Variants in GALNTL6 observed in about 807,000 individuals in gnomAD.
GALNTL6 encodes the protein polypeptide N-acetylgalactosaminyltransferase like 6, also known as polypeptide N-acetylgalactosaminyltransferase-like 6.
Under a neutral mutation model 73.7 loss-of-function variants are expected in GALNTL6, and 46 were observed. The ratio of observed to expected loss-of-function variants is 0.62; its 90% confidence interval spans 0.49 to 0.80. The LOEUF is 0.80. Ranked by LOEUF, GALNTL6 falls within the 30% of genes least tolerant of loss-of-function variation. The probability of loss-of-function intolerance (pLI) is 0.00; values close to 1 mark genes in which losing one functional copy is unlikely to be tolerated. For missense variants in GALNTL6, 604 were observed against 755.0 expected (o/e 0.80, Z 2.34); for synonymous variants, 259 against 263.7 (o/e 0.98, Z 0.17).
intron 5 of GALNTL6, among the ~76,000 whole-genome samples, chr4:172,643,618 C>A (rs1740091108): frequency 6.6e-6 from 1 of 152,082 alleles, no homozygotes; most frequent in Middle Eastern, 3.4e-3. Flanking sequence ...TATCTAACTT[C>A]ATAGATTAGT....
intron 2 of GALNTL6, among the ~76,000 whole-genome samples, chr4:172,156,547 A>ATATATATATATATATATATATAGTG (rs1734284663): frequency 8.8e-6 from 1 of 113,774 alleles, no homozygotes; most frequent in African/African-American, 3.9e-5. Flanking sequence ...TATAATATAT[A>ATATATATATATATATATATATAGTG]TATATATATA....
At chr4:172,336,275 G>C (rs2654769) in intron 4 of GALNTL6, among the ~76,000 whole-genome samples, 1 of 126,036 alleles carries the variant, frequency 7.9e-6, no homozygotes, top group East Asian at 2.4e-4. Context: ...GTTTTGTTTT[G>C]TTTTTTTTTT....
At chr4:172,978,341 G>A (rs143273188) in intron 10 of GALNTL6, among the ~76,000 whole-genome samples, 222 of 152,220 alleles carry the variant, frequency 1.5e-3, no homozygotes, top group African/African-American at 5.1e-3. Flanking sequence ...AAGTGAGCAC[G>A]TTAGACACTA....
chr4:172,618,686 C>A (rs1738838693), intron 5 of GALNTL6, among the ~76,000 whole-genome samples: 1 of 152,040 alleles, frequency 6.6e-6, no homozygotes, highest in South Asian at 2.1e-4. Flanking sequence ...TGTGTTTATT[C>A]TCTCTCATGA....
chr4:172,815,850 T>C (rs1741573722), intron 7 of GALNTL6, among the ~76,000 whole-genome samples: 5 of 152,216 alleles, frequency 3.3e-5, no homozygotes, highest in Admixed American at 3.3e-4. Context: ...TTCCTAGGAA[T>C]GTGGACACTT....
intron 5 of GALNTL6, among the ~76,000 whole-genome samples, chr4:172,497,210 A>C (rs1430636573): frequency 6.6e-6 from 1 of 152,240 alleles, no homozygotes; most frequent in Non-Finnish European, 1.5e-5. Context: ...GCAGTCAATG[A>C]ATAAGTATTT....
intron 3 of GALNTL6, among the ~76,000 whole-genome samples, chr4:172,236,139 T>G (rs1051630077): frequency 1.2e-4 from 19 of 152,232 alleles, no homozygotes; most frequent in Admixed American, 6.5e-5. Flanking sequence ...TGCTGTGTGA[T>G]CCAGTGTTTC....
At chr4:172,893,355 G>GGGGC (rs1746149165) in intron 8 of GALNTL6, among the ~76,000 whole-genome samples, 2 of 150,994 alleles carry the variant, frequency 1.3e-5, no homozygotes, top group African/African-American at 4.9e-5. Context: ...CGGGGGGGGG[G>GGGGC]TCTTCCCCTT....
intron 5 of GALNTL6, among the ~76,000 whole-genome samples, chr4:172,568,757 CAAA>C (rs71592082): frequency 6.0e-5 from 4 of 67,078 alleles, no homozygotes; most frequent in Admixed American, 4.4e-4. Context: ...GACTCCATCT[CAAA>C]AAAAAAAAAA....
chr4:172,032,498 G>A (rs1468415689), intron 2 of GALNTL6, among the ~76,000 whole-genome samples: 1 of 151,850 alleles, frequency 6.6e-6, no homozygotes, highest in Non-Finnish European at 1.5e-5. Context: ...CTATAATATG[G>A]GCTGATGGTT....
intron 7 of GALNTL6, among the ~76,000 whole-genome samples, chr4:172,825,327 G>C (rs73000119): frequency 2.6e-5 from 4 of 151,924 alleles, no homozygotes; most frequent in African/African-American, 9.7e-5. Flanking sequence ...GGAAAGGCTC[G>C]TGCTGGTTGG....
chr4:172,586,304 G>T (rs1432624783), intron 5 of GALNTL6, among the ~76,000 whole-genome samples: 1 of 152,006 alleles, frequency 6.6e-6, no homozygotes. Context: ...TATTTTTCAG[G>T]ATCACAGTTT....
intron 2 of GALNTL6, among the ~76,000 whole-genome samples, chr4:172,201,414 C>T (rs1735950118): frequency 6.6e-6 from 1 of 151,822 alleles, no homozygotes; most frequent in Non-Finnish European, 1.5e-5. Flanking sequence ...ATCATGTTGG[C>T]CAGGATGGTC....
chr4:171,992,640 G>A (rs1740374117), intron 2 of GALNTL6, among the ~76,000 whole-genome samples: 1 of 151,946 alleles, frequency 6.6e-6, no homozygotes, highest in South Asian at 2.1e-4. Context: ...TTTCTCAAAA[G>A]ACAACTGCTA....
chr4:172,213,977 A>T (rs986423089), intron 2 of GALNTL6, among the ~76,000 whole-genome samples: 3 of 152,162 alleles, frequency 2.0e-5, no homozygotes, highest in Non-Finnish European at 2.9e-5. Context: ...GAAAGATATG[A>T]AATTTATGTC....
chr4:172,241,493 G>T (rs1737434004), intron 3 of GALNTL6, among the ~76,000 whole-genome samples: 1 of 152,178 alleles, frequency 6.6e-6, no homozygotes, highest in South Asian at 2.1e-4. Flanking sequence ...TAACTGTAAA[G>T]ATTATTCACA....
chr4:172,937,464 T>A (rs898322085), intron 9 of GALNTL6, among the ~76,000 whole-genome samples: 1 of 152,102 alleles, frequency 6.6e-6, no homozygotes, highest in African/African-American at 2.4e-5. Context: ...TAGATAAGGT[T>A]AAGTGACAGC....
intron 5 of GALNTL6, among the ~76,000 whole-genome samples, chr4:172,690,526 T>C (rs1404795194): frequency 6.6e-6 from 1 of 152,174 alleles, no homozygotes; most frequent in East Asian, 1.9e-4. Context: ...TAAGGCAATA[T>C]TCTTATGATG....
chr4:172,622,664 A>T (rs1739009752), intron 5 of GALNTL6, among the ~76,000 whole-genome samples: 2 of 152,258 alleles, frequency 1.3e-5, no homozygotes, highest in South Asian at 4.1e-4. Context: ...GGAATGCATG[A>T]GAGGCTGATA....
Sources: allele counts gnomAD v4.1 joint callset (sites outside exome capture counted in the v4.1 genomes callset), GRCh38; gene constraint gnomAD v4.1.1; transcripts MANE v1.5; gene names NCBI Gene and HGNC (gene_info 2026-07-23, HGNC 2026-07-21).